DGKG: variants seen among roughly 807,000 people sequenced by gnomAD.
The protein encoded by DGKG is DAG kinase gamma.
A neutral mutation model predicts 105.3 loss-of-function variants in DGKG; 78 were observed. That is an observed-to-expected ratio of 0.74 (90% CI 0.62 to 0.89). The LOEUF (loss-of-function observed/expected upper bound fraction) is 0.89, where lower values mean the gene tolerates loss of function less well. DGKG is among the 40% of genes least tolerant of loss of function. The pLI is 0.00. For missense variants in DGKG, 958 were observed against 1,020.1 expected, an observed-to-expected ratio of 0.94 and a Z score of 0.83; for synonymous variants, 346 against 367.1, an observed-to-expected ratio of 0.94 and a Z score of 0.66.
intron 1 of DGKG, among the ~76,000 whole-genome samples, chr3:186,348,159 A>G (rs1726435885): frequency 6.6e-6 from 1 of 152,078 alleles, no homozygotes; most frequent in Non-Finnish European, 1.5e-5. Context: ...CTTTGTTGAG[A>G]GTAATTTTGG....
At chr3:186,270,050 G>A (rs1278205279) in intron 11 of DGKG, among the ~76,000 whole-genome samples, 1 of 152,214 alleles carries the variant, frequency 6.6e-6, no homozygotes, top group African/African-American at 2.4e-5. Context: ...GACATACCCT[G>A]AAGTGCCTAG....
chr3:186,284,945 G>A lies in DGKG; in HGVS notation c.545-236C>T, dbSNP rs538138194. Reference sequence around the variant, plus strand: ...AAGCAATACCTATGTGGCTGATGAAGTCCAGGTCATGAGTGTAATTCCCTG... The same window carrying A: ...AAGCAATACCTATGTGGCTGATGAAATCCAGGTCATGAGTGTAATTCCCTG... On this transcript the variant is annotated intron_variant, in intron 6 of 24. Coordinates refer to ENST00000265022, the MANE Select transcript of DGKG (RefSeq NM_001346.3). This position sits in a 1 kb window ranked among gnomAD's most constrained non-coding sequence, Gnocchi z 4.0. Among the ~76,000 whole-genome samples the A allele has an allele frequency of 6.6e-6, 1 of 152,322 alleles. No individual in the cohort carries two copies. Among genetic ancestry groups the A allele is most frequent in the African/African-American group, 2.4e-5 (1 of 41,578 alleles).
chr3:186,240,925 G>A (rs958901838), intron 20 of DGKG, among the ~76,000 whole-genome samples: 10 of 148,516 alleles, frequency 6.7e-5, no homozygotes, highest in East Asian at 1.9e-4. Context: ...GCAAAAGACC[G>A]TTAGAGGAGA....
At chr3:186,350,463 A>T (rs1430401647) in intron 1 of DGKG, among the ~76,000 whole-genome samples, 1 of 152,196 alleles carries the variant, frequency 6.6e-6, no homozygotes, top group Non-Finnish European at 1.5e-5. Flanking sequence ...GTATACATTT[A>T]CCACATTTTG....
rs1716600468 is a variant in DGKG at position 186,167,437 on chromosome 3, C to T, written c.2096-2419G>A. Among the ~76,000 whole-genome samples, 9 of 152,234 alleles carry T rather than the reference C, an allele frequency of 5.9e-5. No homozygotes were observed. The South Asian group carries it at 8.3e-4, about 14-fold the overall frequency. ...TTGTGTGTGATGCCTATAAACAACC[C>T]ACCGCTTCCATTTTTTAGGAACGCA... On this transcript the variant is annotated intron_variant, in intron 22 of 24. Coordinates refer to ENST00000265022, the MANE Select transcript of DGKG (RefSeq NM_001346.3).
intron 1 of DGKG, among the ~76,000 whole-genome samples, chr3:186,332,126 TC>T (rs1432115125): frequency 1.3e-5 from 2 of 152,108 alleles, no homozygotes; most frequent in Non-Finnish European, 2.9e-5. Flanking sequence ...CACGCCCTGG[TC>T]CTCAACATGG....
In DGKG at chr3:186,284,506, GTGGAGAGGTCCTAGTCGGA is replaced by G. The variant is rs1722971220; in HGVS notation, c.594+135_594+153del. Among the ~76,000 whole-genome samples the G allele has an allele frequency of 6.6e-6, 1 of 152,182 alleles. No homozygotes were observed. The highest frequency in any genetic ancestry group is 1.5e-5 in the Non-Finnish European group (1 of 68,038). ...AAGGCCGGCCCTTTGGAAATAGCGG[GTGGAGAGGTCCTAGTCGGA>G]TTTCCTCAGCCTGCATCGAGACATT... On this transcript the variant is annotated intron_variant, in intron 7 of 24. Coordinates refer to ENST00000265022, the MANE Select transcript of DGKG (RefSeq NM_001346.3). The surrounding 1 kb of genome is among the most constrained non-coding windows in gnomAD (Gnocchi z 4.0).
In DGKG at chr3:186,209,088, C is replaced by CTTTTTTTTTTT. The variant is rs1560096022; in HGVS notation, c.1917+2706_1917+2707insAAAAAAAAAAA. Among the ~76,000 whole-genome samples, 21 of 124,884 alleles carry CTTTTTTTTTTT rather than the reference C, an allele frequency of 1.7e-4. 1 individual carries two copies. The highest frequency in any genetic ancestry group is 6.7e-4 in the African/African-American group (20 of 29,926). The allele number at this position is 124,884 out of a possible 152,430, so 81.9% of individuals were successfully genotyped here. A position where few individuals can be genotyped will look rare whatever the true frequency, so the allele number is the denominator to read the frequency against. ...TGGACTTTTCTCTCCCTTCAGTTTA[C>CTTTTTTTTTTT]TCTTCTTTTTTTTTTTTTTTTTTTT... On this transcript the variant is annotated intron_variant, in intron 21 of 24. Coordinates refer to ENST00000265022, the MANE Select transcript of DGKG (RefSeq NM_001346.3).
chr3:186,170,270 C>A (rs974702243), intron 22 of DGKG, among the ~76,000 whole-genome samples: 3 of 152,328 alleles, frequency 2.0e-5, no homozygotes, highest in Admixed American at 6.5e-5. Context: ...AAAATGAGCA[C>A]AGTTTGGGAA....
intron 20 of DGKG, among the ~76,000 whole-genome samples, chr3:186,230,766 G>A (rs1036983803): frequency 3.3e-5 from 5 of 152,126 alleles, no homozygotes; most frequent in African/African-American, 1.2e-4. Flanking sequence ...GGAGGCAAGC[G>A]GTCTCACAAG....
At chr3:186,242,933 G>T (rs1560111140) in intron 19 of DGKG, among the ~76,000 whole-genome samples, 1 of 152,120 alleles carries the variant, frequency 6.6e-6, no homozygotes, top group Non-Finnish European at 1.5e-5. Context: ...CCTGTGTCTG[G>T]GGCTGAGCAT....
At chr3:186,287,996 T>C (rs1397364948) in intron 6 of DGKG, among the ~76,000 whole-genome samples, 2 of 152,252 alleles carry the variant, frequency 1.3e-5, no homozygotes, top group Admixed American at 6.5e-5. Context: ...AGTATGTCTG[T>C]AGGCTCACAG....
intron 1 of DGKG, among the ~76,000 whole-genome samples, chr3:186,339,754 G>A (rs1410061893): frequency 2.0e-5 from 3 of 152,278 alleles, no homozygotes; most frequent in Middle Eastern, 3.4e-3. Context: ...ACTGGCTTCT[G>A]ATGTGGAGCA....
At chr3:186,360,451 C>T (rs1727175066) in intron 1 of DGKG, among the ~76,000 whole-genome samples, 1 of 152,092 alleles carries the variant, frequency 6.6e-6, no homozygotes, top group Admixed American at 6.5e-5. Context: ...GGCTTAGTTG[C>T]AGCCGTTTTA....
chr3:186,284,959 T>C lies in DGKG; in HGVS notation c.545-250A>G, dbSNP rs1232358206. On this transcript the variant is annotated intron_variant, in intron 6 of 24. Transcript: ENST00000265022. The surrounding 1 kb of genome is among the most constrained non-coding windows in gnomAD (Gnocchi z 4.0). Reference sequence around the variant, plus strand: ...TGGCTGATGAAGTCCAGGTCATGAGTGTAATTCCCTGGGGAGCATGAACAC... The same window carrying C: ...TGGCTGATGAAGTCCAGGTCATGAGCGTAATTCCCTGGGGAGCATGAACAC... 3.3e-5 allele frequency among the ~76,000 whole-genome samples: 5 copies of C among 152,086 alleles called. No individual in the cohort carries two copies. The highest frequency in any genetic ancestry group is 6.6e-5 in the Admixed American group (1 of 15,264).
chr3:186,313,097 A>T (rs892510262), intron 2 of DGKG, among the ~76,000 whole-genome samples: 1 of 152,254 alleles, frequency 6.6e-6, no homozygotes, highest in Non-Finnish European at 1.5e-5. Context: ...GAAAAGGTAG[A>T]CTAGTGGTTA....
At chr3:186,272,085 G>A (rs1304412796) in intron 11 of DGKG, among the ~76,000 whole-genome samples, 170 bp downstream of exon 11, 1 of 152,180 alleles carries the variant, frequency 6.6e-6, no homozygotes, top group East Asian at 1.9e-4. Context: ...TGGGTACCAG[G>A]AAGGTGCTGA....
At chr3:186,340,110 T>A in intron 1 of DGKG, among the ~76,000 whole-genome samples, 1 of 152,108 alleles carries the variant, frequency 6.6e-6, no homozygotes, top group East Asian at 1.9e-4. Context: ...CCTCATAAAA[T>A]GGAGAAGTGG....
chr3:186,198,975 T>TTTGCTCTTGTTACCCAGGC (rs1374925895), intron 21 of DGKG, among the ~76,000 whole-genome samples: 1 of 152,010 alleles, frequency 6.6e-6, no homozygotes, highest in Non-Finnish European at 1.5e-5. Context: ...AAGACGGAGT[T>TTTGCTCTTGTTACCCAGGC]TTGCTCTTGT....
Sources: gnomAD v4.1 joint callset for allele counts (sites outside exome capture counted in the v4.1 genomes callset) on GRCh38, gnomAD v4.1.1 for gene constraint, Gnocchi (gnomAD v3.1) non-coding constraint, MANE v1.5 for transcripts, NCBI Gene and HGNC (gene_info 2026-07-23, HGNC 2026-07-21) for gene names.